EML4: variants seen among roughly 807,000 people sequenced by gnomAD.
EML4 encodes EMAP like 4.
EML4 carries 72 observed loss-of-function variants against 129.0 expected under a neutral mutation model. That is an observed-to-expected ratio of 0.56 (90% CI 0.46 to 0.68). EML4 has a LOEUF of 0.68. EML4 is among the 30% of genes least tolerant of loss of function. The pLI is 0.00. For missense variants in EML4, 1,363 were observed against 1,190.6 expected (o/e 1.14, Z -2.13); for synonymous variants, 532 against 405.0 (o/e 1.31, Z -3.77).
intron 1 of EML4, among the ~76,000 whole-genome samples, chr2:42,183,022 GGT>G (rs1671038689): frequency 6.6e-6 from 1 of 152,146 alleles, no homozygotes. Flanking sequence ...CAGGCATGGT[GGT>G]GCACTCCTGT....
intron 11 of EML4, among the ~76,000 whole-genome samples, chr2:42,292,316 C>G (rs1217963339): frequency 6.6e-6 from 1 of 152,096 alleles, no homozygotes; most frequent in African/African-American, 2.4e-5. Flanking sequence ...CATGTGTTTG[C>G]TAGAAGGCAA....
intron 17 of EML4, among the ~76,000 whole-genome samples, chr2:42,314,785 G>A (rs191524668): frequency 3.2e-4 from 49 of 152,272 alleles, no homozygotes; most frequent in Admixed American, 6.5e-4. Flanking sequence ...AAGTTTGTCT[G>A]TCCATGGTTC....
chr2:42,176,651 A>G (rs1007418986), intron 1 of EML4, among the ~76,000 whole-genome samples: 1 of 152,186 alleles, frequency 6.6e-6, no homozygotes, highest in Non-Finnish European at 1.5e-5. Flanking sequence ...AGCCCAAAGT[A>G]TTCTTCCGTG....
rs573955552 is a variant in EML4 at position 42,282,875 on chromosome 2, G to A, written c.844G>A (p.Gly282Arg). 1.6e-5 allele frequency: 26 copies of A among 1,612,054 alleles called. No individual in the cohort carries two copies. Among genetic ancestry groups the A allele is most frequent in the African/African-American group, 8.0e-5 (6 of 74,962 alleles). Residue 282 changes from glycine to arginine, a missense_variant, in exon 8 of 23, where the codon GGG (glycine) becomes AGG (arginine). By Grantham distance (125) the Gly-to-Arg change is moderately radical. Coordinates refer to ENST00000318522, the MANE Select transcript of EML4 (RefSeq NM_019063.5). ...CRANVYLLPT[G>R]KIVYFIASVV... ...AGCTAATGTTTACCTTCTTCCGACC[G>A]GGAAAATAGTTTATTTCATTGCATC...
At position 42,295,422 on chromosome 2, in the gene EML4, G is replaced by A; in HGVS notation, c.1395G>A (p.Leu465=). 1 of 1,613,952 alleles carries A rather than the reference G, an allele frequency of 6.2e-7. No individual in the cohort carries two copies. Among genetic ancestry groups the A allele is most frequent in the Non-Finnish European group, 8.5e-7 (1 of 1,179,894 alleles). ...KPKFVQCLAF[L]GNGDVLTGDS... ...AATTTGTGCAGTGTTTAGCATTCTT[G>A]GGGAATGGAGATGTTCTTACTGGAG... Residue 465 remains leucine, a synonymous_variant, in exon 13 of 23, where the codon TTG becomes TTA. Transcript: ENST00000318522.
chr2:42,169,552 C>A lies in EML4; in HGVS notation c.-60C>A. 6.4e-7 allele frequency: 1 copy of A among 1,572,806 alleles called. No individual in the cohort carries two copies. On this transcript the variant is annotated 5_prime_UTR_variant, in exon 1 of 23. Transcript: ENST00000318522. ...TCAGGCTCAGCGTCGGCCACTCTGT[C>A]GGTCCGCTGAATGAAGTGCCCGCCC...
intron 11 of EML4, among the ~76,000 whole-genome samples, chr2:42,294,917 A>G (rs559548956): frequency 9.8e-5 from 15 of 152,320 alleles, no homozygotes; most frequent in Admixed American, 8.5e-4. Flanking sequence ...TATAAATAGC[A>G]TAAAAGGTGA....
chr2:42,222,642 G>A (rs1037714917), intron 1 of EML4, among the ~76,000 whole-genome samples: 3 of 152,018 alleles, frequency 2.0e-5, no homozygotes, highest in African/African-American at 7.2e-5. Flanking sequence ...TTTCTTGTTT[G>A]CTTTTTCAAA....
intron 6 of EML4, among the ~76,000 whole-genome samples, chr2:42,273,929 T>C (rs548311237): frequency 6.6e-6 from 1 of 152,188 alleles, no homozygotes; most frequent in African/African-American, 2.4e-5. Context: ...TACTGAATTA[T>C]AACCAGAAAA....
intron 21 of EML4, among the ~76,000 whole-genome samples, chr2:42,328,180 T>C (rs1464261611): frequency 6.6e-6 from 1 of 152,228 alleles, no homozygotes. Flanking sequence ...ACCAAAAACA[T>C]ATTTGTTCTC....
intron 1 of EML4, among the ~76,000 whole-genome samples, chr2:42,213,340 G>A (rs769084850): frequency 2.0e-5 from 3 of 152,120 alleles, no homozygotes; most frequent in South Asian, 2.1e-4. Context: ...GAATCACACA[G>A]TATGGCTTCT....
chr2:42,254,457 CAAAA>C (rs1283231073), intron 2 of EML4, among the ~76,000 whole-genome samples: 2 of 102,498 alleles, frequency 2.0e-5, no homozygotes, highest in Admixed American at 1.1e-4. Flanking sequence ...GACTCTGTCT[CAAAA>C]AAAAAAAAAA....
intron 1 of EML4, among the ~76,000 whole-genome samples, chr2:42,208,533 C>T (rs750904103): frequency 5.6e-4 from 84 of 151,000 alleles, no homozygotes; most frequent in Non-Finnish European, 1.0e-3. Context: ...CCTCTGAGTT[C>T]AAGCTATTCT....
intron 6 of EML4, among the ~76,000 whole-genome samples, chr2:42,278,936 G>GA (rs35126751): frequency 0.62 from 92,227 of 148,480 alleles, 29,107 homozygotes; most frequent in East Asian, 0.77. Context: ...AACTCTCTTG[G>GA]AAAAAAAAAA....
At chr2:42,238,641 A>G (rs1002327676) in intron 1 of EML4, among the ~76,000 whole-genome samples, 3 of 152,032 alleles carry the variant, frequency 2.0e-5, no homozygotes, top group African/African-American at 7.3e-5. Flanking sequence ...TTTTGGCAAT[A>G]GGGTCTTACT....
Position 42,330,384 on chromosome 2 carries a change from T to A in EML4, c.*177T>A. The A allele has an allele frequency of 1.4e-6, 1 of 696,212 alleles. No homozygotes were observed. The highest frequency in any genetic ancestry group is 2.6e-6 in the Non-Finnish European group (1 of 388,750). 43.1% of individuals were successfully genotyped at this position (696,212 alleles called of 1,614,324 possible). On this transcript the variant is annotated 3_prime_UTR_variant, in exon 23 of 23. Coordinates refer to ENST00000318522, the MANE Select transcript of EML4 (RefSeq NM_019063.5). ...TCTCAAATACAGCCAACTTAAAGTT[T>A]TAGTTTGGTGTTTATTGAAAATTAA...
chr2:42,248,199 C>T (rs1326844181), intron 2 of EML4, among the ~76,000 whole-genome samples: 1 of 152,020 alleles, frequency 6.6e-6, no homozygotes, highest in South Asian at 2.1e-4. Flanking sequence ...TGGTCTCAAA[C>T]TCCTGGGCTC....
intron 6 of EML4, among the ~76,000 whole-genome samples, chr2:42,279,204 G>C (rs770717060): frequency 2.0e-5 from 3 of 152,126 alleles, no homozygotes; most frequent in Non-Finnish European, 4.4e-5. Context: ...ATTCAGTTGA[G>C]TTTAGGTTGT....
chr2:42,313,504 G>A (rs992560897), intron 17 of EML4, among the ~76,000 whole-genome samples: 22 of 151,590 alleles, frequency 1.5e-4, no homozygotes, highest in African/African-American at 3.6e-4. Flanking sequence ...ACTAAGCCAC[G>A]TTAAACCATA....
Sources: allele counts gnomAD v4.1 joint callset (sites outside exome capture counted in the v4.1 genomes callset), GRCh38; gene constraint gnomAD v4.1.1; transcripts MANE v1.5; gene names NCBI Gene and HGNC (gene_info 2026-07-23, HGNC 2026-07-21).